The following COPS2 variants were observed in gnomAD, a reference collection of about 807,000 sequenced individuals.
The protein encoded by COPS2 is COP9 signalosome subunit 2.
Under a neutral mutation model 66.1 loss-of-function variants are expected in COPS2, and 10 were observed. The observed-to-expected ratio is 0.15, with a 90% CI of 0.09 to 0.26. The LOEUF is 0.26. Ranked by LOEUF, COPS2 falls within the 10% of genes least tolerant of loss-of-function variation. The probability of loss-of-function intolerance (pLI) is 1.00; values close to 1 mark genes in which losing one functional copy is unlikely to be tolerated. For missense variants in COPS2, 215 were observed against 513.3 expected, an observed-to-expected ratio of 0.42 and a Z score of 5.62; for synonymous variants, 179 against 171.3, an observed-to-expected ratio of 1.04 and a Z score of -0.35.
intron 3 of COPS2, among the ~76,000 whole-genome samples, chr15:49,141,353 C>T (rs1200391416): frequency 6.6e-6 from 1 of 151,942 alleles, no homozygotes; most frequent in East Asian, 1.9e-4. Context: ...AAAAATTAGT[C>T]AGGTGTGGTG....
chr15:49,138,565 T>A (rs1474274244), intron 4 of COPS2, among the ~76,000 whole-genome samples: 1 of 152,208 alleles, frequency 6.6e-6, no homozygotes, highest in African/African-American at 2.4e-5. Context: ...TGGAAAACAT[T>A]TTCCCACTTT....
intron 8 of COPS2, 38 bp downstream of exon 8, chr15:49,133,892 T>G (rs772422136): frequency 9.0e-6 from 14 of 1,560,432 alleles, no homozygotes; most frequent in African/African-American, 1.4e-5. Flanking sequence ...TATTTCCAGA[T>G]AGCTGATAAG....
chr15:49,144,151 T>C lies in COPS2; in HGVS notation c.246+76A>G, dbSNP rs554388887. The stretch of plus-strand genomic sequence containing the variant: ...CAAAGAAGTACTTTAGAAAAGAAGA[T>C]ATAATAGTACTTTGTCGTGATGAGG... On this transcript the variant is annotated intron_variant, in intron 3 of 12. Coordinates refer to ENST00000388901, the MANE Select transcript of COPS2 (RefSeq NM_004236.4). 1.8e-3 allele frequency: 1,608 copies of C among 903,690 alleles called. 3 individuals carry two copies. Among genetic ancestry groups the C allele is most frequent in the Non-Finnish European group, 2.4e-3 (1,315 of 549,736 alleles). The allele number at this position is 903,690 out of a possible 1,614,324, so 56.0% of individuals were successfully genotyped here. A position where few individuals can be genotyped will look rare whatever the true frequency, so the allele number is the denominator to read the frequency against.
intron 1 of COPS2, among the ~76,000 whole-genome samples, chr15:49,151,464 A>C (rs1394164553): frequency 6.6e-6 from 1 of 152,084 alleles, no homozygotes. Context: ...CTTACTAAAG[A>C]CTAATTTTTG....
chr15:49,145,223 G>A lies in COPS2; in HGVS notation c.55-145C>T, dbSNP rs1282498798. 33 of 481,874 alleles carry A rather than the reference G, an allele frequency of 6.8e-5. No individual in the cohort carries two copies. The East Asian group carries it at 1.1e-3, about 16-fold the overall frequency. The allele number at this position is 481,874 out of a possible 1,614,324, so 29.8% of individuals were successfully genotyped here. A position where few individuals can be genotyped will look rare whatever the true frequency, so the allele number is the denominator to read the frequency against. ...TTGAATACATACGTAAAATGCCACT[G>A]ATATTCAACTGTTATATAAAACCAG... On this transcript the variant is annotated intron_variant, in intron 1 of 12. Transcript: ENST00000388901.
chr15:49,136,384 A>G (rs2141126298), intron 6 of COPS2, among the ~76,000 whole-genome samples: 1 of 152,310 alleles, frequency 6.6e-6, no homozygotes, highest in East Asian at 1.9e-4. Context: ...TCAAATTTAA[A>G]GTAATTAATT....
chr15:49,137,272 T>G (rs775288819), intron 5 of COPS2, 45 bp from the exon 6 acceptor site: 2 of 1,539,554 alleles, frequency 1.3e-6, no homozygotes, highest in Admixed American at 3.7e-5. Flanking sequence ...CAACAGAAGA[T>G]GTGCATCTTT....
intron 9 of COPS2, 120 bp from the exon 10 acceptor site, chr15:49,130,936 T>C (rs182452123): frequency 4.2e-6 from 2 of 478,912 alleles, no homozygotes; most frequent in Admixed American, 3.7e-5. Context: ...TATTATACTT[T>C]CTGTCATGGA....
In COPS2 at chr15:49,127,972, G is replaced by T; in HGVS notation, c.1310C>A (p.Ala437Asp). Residue 437 changes from alanine (A) to aspartate (D), a missense_variant, in exon 13 of 13, where the codon GCT becomes GAT. This residue lies in a region of COPS2 where 42 missense variants were observed against 55.9 expected (regional missense o/e 0.75). Transcript: ENST00000388901. ...WTNQLNSLNQ[A>D]VVSKLA is the part of the protein sequence containing the mutation. ...CTGTTAAGCCAGTTTACTGACTACA[G>T]CCTGGTTGAGAGAATTTAGTTGGTT... The T allele has an allele frequency of 6.2e-7, 1 of 1,613,946 alleles. No individual in the cohort carries two copies. Among genetic ancestry groups the T allele is most frequent in the Non-Finnish European group, 8.5e-7 (1 of 1,179,900 alleles).
chr15:49,146,300 G>A (rs767442119), intron 1 of COPS2, among the ~76,000 whole-genome samples: 10 of 151,992 alleles, frequency 6.6e-5, no homozygotes, highest in Non-Finnish European at 1.3e-4. Flanking sequence ...AAATCACTTG[G>A]AACACTTCTT....
At chr15:49,151,143 G>A (rs1178566649) in intron 1 of COPS2, among the ~76,000 whole-genome samples, 1 of 152,086 alleles carries the variant, frequency 6.6e-6, no homozygotes, top group African/African-American at 2.4e-5. Flanking sequence ...GCTCACGTCT[G>A]TAATCTCAGC....
intron 4 of COPS2, among the ~76,000 whole-genome samples, chr15:49,138,359 T>C (rs1325846193): frequency 6.6e-6 from 1 of 152,146 alleles, no homozygotes; most frequent in African/African-American, 2.4e-5. Flanking sequence ...TGATGGCATA[T>C]TGAATAGAAC....
intron 9 of COPS2, 112 bp from the exon 10 acceptor site, chr15:49,130,928 T>C (rs1042413726): frequency 3.0e-5 from 15 of 500,042 alleles, no homozygotes; most frequent in Non-Finnish European, 5.3e-5. Context: ...CTAAATAATA[T>C]TATACTTTCT....
chr15:49,139,880 G>C (rs995655461), intron 3 of COPS2, among the ~76,000 whole-genome samples: 2 of 152,128 alleles, frequency 1.3e-5, no homozygotes, highest in Admixed American at 6.5e-5. Flanking sequence ...TATGAAACAA[G>C]TACAACTGCT....
intron 1 of COPS2, among the ~76,000 whole-genome samples, chr15:49,146,477 T>C (rs961131720): frequency 3.3e-5 from 5 of 152,124 alleles, no homozygotes; most frequent in African/African-American, 1.2e-4. Context: ...GCTGTGACAG[T>C]GATGGCTTCA....
intron 1 of COPS2, among the ~76,000 whole-genome samples, chr15:49,151,166 C>G (rs754518595): frequency 6.6e-6 from 1 of 151,914 alleles, no homozygotes; most frequent in African/African-American, 2.4e-5. Context: ...TTTGGGAGGG[C>G]GAGGAAGGCC....
intron 6 of COPS2, among the ~76,000 whole-genome samples, chr15:49,136,150 A>C (rs1421416576): frequency 6.6e-6 from 1 of 151,986 alleles, no homozygotes; most frequent in Non-Finnish European, 1.5e-5. Flanking sequence ...CACAGAAATG[A>C]CACATATATC....
intron 6 of COPS2, among the ~76,000 whole-genome samples, chr15:49,136,595 GCT>G (rs1566883257): frequency 1.3e-5 from 2 of 152,212 alleles, no homozygotes; most frequent in African/African-American, 4.8e-5. Context: ...TAATATCCTG[GCT>G]CTGTTTTCAC....
At chr15:49,133,685 T>G (rs1156410353) in intron 9 of COPS2, 74 bp downstream of exon 9, 1 of 1,029,280 alleles carries the variant, frequency 9.7e-7, no homozygotes, top group Non-Finnish European at 1.4e-6. Flanking sequence ...AACTGAGTTC[T>G]GAAAAGTTTT....
Sources: gnomAD v4.1 joint callset for allele counts (sites outside exome capture counted in the v4.1 genomes callset) on GRCh38, gnomAD v4.1.1 for gene constraint, gnomAD v4.1.1 regional missense constraint, MANE v1.5 for transcripts, NCBI Gene and HGNC (gene_info 2026-07-23, HGNC 2026-07-21) for gene names.